The following CYP4F11 variants were observed in gnomAD, a reference collection of about 807,000 sequenced individuals.
The protein encoded by CYP4F11 is cytochrome P450 4F11.
A neutral mutation model predicts 62.2 loss-of-function variants in CYP4F11; 79 were observed. The ratio of observed to expected loss-of-function variants is 1.27; its 90% CI spans 1.06 to 1.53. The LOEUF is 1.53. Ranked by LOEUF, CYP4F11 falls within the 40% of genes most tolerant of loss-of-function variation. The pLI, the probability that CYP4F11 is intolerant of heterozygous loss-of-function variation, is 0.00. For synonymous variants in CYP4F11, 290 were observed against 263.7 expected (o/e 1.10, Z -0.97); for missense variants, 777 against 680.5 (o/e 1.14, Z -1.58).
In CYP4F11 at chr19:15,923,800, A is replaced by G. The variant is rs760776031; in HGVS notation, c.918+12T>C. ...ACTCTATTACTTGAATTCACATCCC[A>G]GAGAAGCCTACCTTGCTCAGCAGAA... On this transcript the variant is annotated intron_variant, in intron 6 of 11. Transcript: ENST00000402119. The G allele has an allele frequency of 6.2e-7, 1 of 1,606,944 alleles. No homozygotes were observed. Among genetic ancestry groups the G allele is most frequent in the Non-Finnish European group, 8.5e-7 (1 of 1,174,544 alleles).
chr19:15,922,146 C>G lies in CYP4F11; in HGVS notation c.1006G>C (p.Gly336Arg), dbSNP rs181174346. ...AGGTGGTATAGGACCCAGGAGAGAC[C>G]ACTGGCTGTAGTGTCATGGCCTGAG... ...MFEGHDTTAS[G>R]LSWVLYHLAK... The change falls in exon 8 of 12, where the codon GGT becomes CGT. Residue 336 changes from glycine to arginine, a missense_variant. By Grantham distance (125) the Gly-to-Arg change is moderately radical. Coordinates refer to ENST00000402119, the MANE Select transcript of CYP4F11 (RefSeq NM_021187.4). 29 of 1,613,000 alleles carry G rather than the reference C, an allele frequency of 1.8e-5. No homozygotes were observed. In the Admixed American group the frequency reaches 2.5e-4, roughly 14 times the overall value.
intron 8 of CYP4F11, among the ~76,000 whole-genome samples, chr19:15,918,242 C>T (rs544770524): frequency 2.0e-5 from 3 of 152,204 alleles, no homozygotes; most frequent in African/African-American, 4.8e-5. Context: ...ACAAGGGAAA[C>T]TCATGGACAC....
chr19:15,917,099 G>A (rs1371589742), intron 8 of CYP4F11, among the ~76,000 whole-genome samples: 3 of 152,076 alleles, frequency 2.0e-5, no homozygotes, highest in Admixed American at 2.0e-4. Context: ...GCCATTAAAA[G>A]GAATGAAATA....
At chr19:15,927,084 G>A in intron 4 of CYP4F11, 128 bp downstream of exon 4, 2 of 1,101,206 alleles carry the variant, frequency 1.8e-6, no homozygotes, top group Non-Finnish European at 1.3e-6. Flanking sequence ...CCATTTTACA[G>A]ATAGGGAAAC....
chr19:15,915,895 G>C (rs1371685911), intron 8 of CYP4F11, among the ~76,000 whole-genome samples: 1 of 151,522 alleles, frequency 6.6e-6, no homozygotes, highest in African/African-American at 2.4e-5. Flanking sequence ...TCTGGAAAAA[G>C]ATAAAAGATA....
intron 8 of CYP4F11, among the ~76,000 whole-genome samples, chr19:15,915,960 A>G (rs2089580529): frequency 6.6e-6 from 1 of 152,000 alleles, no homozygotes; most frequent in South Asian, 2.1e-4. Flanking sequence ...TTTTAACAAG[A>G]GACGTAAAGT....
chr19:15,914,471 T>C, intron 10 of CYP4F11, 84 bp from the exon 11 acceptor site: 1 of 1,558,202 alleles, frequency 6.4e-7, no homozygotes, highest in Non-Finnish European at 8.8e-7. Context: ...CCCCCGGCCT[T>C]GGAGAGACAT....
chr19:15,917,326 C>G (rs1335737121), intron 8 of CYP4F11, among the ~76,000 whole-genome samples: 1 of 152,084 alleles, frequency 6.6e-6, no homozygotes, highest in Non-Finnish European at 1.5e-5. Flanking sequence ...GTACAGTGTA[C>G]ACTGTTTAGG....
intron 1 of CYP4F11, among the ~76,000 whole-genome samples, chr19:15,931,637 TGAGCGAGGAGAGGAATGAGTGAGC>T (rs2089724179): frequency 1.8e-5 from 1 of 57,124 alleles, no homozygotes; most frequent in East Asian, 5.0e-4. Context: ...GAGGAATGAG[TGAGCGAGGAGAGGAATGAGTGAGC>T]GAGGAGAGGA....
At chr19:15,920,615 A>G (rs970247023) in intron 8 of CYP4F11, among the ~76,000 whole-genome samples, 2 of 152,152 alleles carry the variant, frequency 1.3e-5, no homozygotes, top group South Asian at 2.1e-4. Context: ...GTCCAGCTCA[A>G]TGTCTCCTCT....
intron 8 of CYP4F11, among the ~76,000 whole-genome samples, chr19:15,916,447 C>G (rs1462472104): frequency 1.3e-5 from 2 of 152,114 alleles, no homozygotes; most frequent in Non-Finnish European, 2.9e-5. Context: ...AACTAAAAAG[C>G]TTCTGCACAA....
rs145063046 is a variant in CYP4F11 at position 15,924,971 on chromosome 19, T to A, written c.526-89A>T. The stretch of plus-strand genomic sequence containing the variant: ...AAACATCAAGATGGACTCCCTGCAA[T>A]CATCCTCCTGGTCCTCTGCCCCAGG... On this transcript the variant is annotated intron_variant, in intron 4 of 11. Transcript: ENST00000402119. 4.3e-4 allele frequency: 614 copies of A among 1,432,400 alleles called. 3 individuals are homozygous for A. In the African/African-American group the frequency reaches 5.5e-3, roughly 13 times the overall value. The allele number at this position is 1,432,400 out of a possible 1,614,324, so 88.7% of individuals were successfully genotyped here. A position where few individuals can be genotyped will look rare whatever the true frequency, so the allele number is the denominator to read the frequency against.
rs775698990 is a variant in CYP4F11, at chr19:15,914,742, C to A, written c.1249+20G>T. 39 of 1,613,824 alleles carry A rather than the reference C, an allele frequency of 2.4e-5. No homozygotes were observed. In the Admixed American group the frequency reaches 5.5e-4, roughly 23 times the overall value. On this transcript the variant is annotated intron_variant, in intron 9 of 11. Coordinates refer to ENST00000402119, the MANE Select transcript of CYP4F11 (RefSeq NM_021187.4). ...CCCTCTTGCTACCCAGGAGGCTCCT[C>A]CCCCTGAGGCTGTGAGCACCTTTGG...
Position 15,912,680 on chromosome 19 carries a change from A to AAAAAATATATAT in CYP4F11, c.*1051_*1052insATATATATTTTT. 1 of 66,170 alleles carries AAAAAATATATAT rather than the reference A, an allele frequency of 1.5e-5. No homozygotes were observed. Among genetic ancestry groups the AAAAAATATATAT allele is most frequent in the African/African-American group, 6.4e-5 (1 of 15,530 alleles). 4.1% of individuals were successfully genotyped at this position (66,170 alleles called of 1,614,324 possible). ...TCACCATCCTCAGGAAAAAAAAAAA[A>AAAAAATATATAT]ATATATATATATATATATGTGTGTG... On this transcript the variant is annotated 3_prime_UTR_variant, in exon 12 of 12. Coordinates refer to ENST00000402119, the MANE Select transcript of CYP4F11 (RefSeq NM_021187.4).
intron 2 of CYP4F11, 86 bp from the exon 3 acceptor site, chr19:15,927,569 T>A: frequency 6.4e-7 from 1 of 1,571,624 alleles, no homozygotes; most frequent in Admixed American, 1.7e-5. Context: ...GCCAGGGGTG[T>A]GCACTTCCAC....
At chr19:15,920,323 T>C (rs1297978731) in intron 8 of CYP4F11, among the ~76,000 whole-genome samples, 1 of 152,232 alleles carries the variant, frequency 6.6e-6, no homozygotes, top group African/African-American at 2.4e-5. Flanking sequence ...TATGTACTCC[T>C]ACTCACACAG....
At position 15,923,919 on chromosome 19, in the gene CYP4F11, T is replaced by G. The variant is rs1319783121; in HGVS notation, c.811A>C (p.Ile271Leu). 1 of 1,614,214 alleles carries G rather than the reference T, an allele frequency of 6.2e-7. No individual in the cohort carries two copies. Among genetic ancestry groups the G allele is most frequent in the Non-Finnish European group, 8.5e-7 (1 of 1,180,036 alleles). The change falls in exon 6 of 12, where the codon ATC becomes CTC. Residue 271 changes from isoleucine (I) to leucine (L), a missense_variant. Ile to Leu is a conservative substitution (Grantham distance 5). Coordinates refer to ENST00000402119, the MANE Select transcript of CYP4F11 (RefSeq NM_021187.4). ...HLVHDFTDAVIQERRCTLPTQ... is the reference protein window; with the variant it reads ...HLVHDFTDAVLQERRCTLPTQ... ...GGGAGGGTGCAGCGCCGCTCCTGGA[T>G]GACGGCATCTGTGAAGTCGTGCACC...
intron 1 of CYP4F11, among the ~76,000 whole-genome samples, chr19:15,930,081 T>C (rs1462787561): frequency 6.7e-6 from 1 of 148,814 alleles, no homozygotes; most frequent in Middle Eastern, 3.2e-3. Context: ...CTCTGTCTCA[T>C]ACATGCATGA....
chr19:15,934,060 G>A (rs2089754976), intron 1 of CYP4F11, 151 bp downstream of exon 1: 1 of 618,014 alleles, frequency 1.6e-6, no homozygotes, highest in Non-Finnish European at 2.8e-6. Flanking sequence ...GAATGAGTGA[G>A]TGGGCAGAGG....
Sources: allele counts gnomAD v4.1 joint callset (sites outside exome capture counted in the v4.1 genomes callset), GRCh38; gene constraint gnomAD v4.1.1; transcripts MANE v1.5; gene names NCBI Gene and HGNC (gene_info 2026-07-23, HGNC 2026-07-21).